Variants in SEMA3D observed in about 807,000 individuals in gnomAD.
SEMA3D encodes the protein semaphorin-3D.
Under a neutral mutation model 100.1 loss-of-function variants are expected in SEMA3D, and 84 were observed. The observed-to-expected ratio is 0.84, with a 90% confidence interval of 0.70 to 1.01. The LOEUF (loss-of-function observed/expected upper bound fraction) is 1.01, where lower values mean the gene tolerates loss of function less well. Among genes scored for constraint, SEMA3D ranks in the 50% least tolerant of loss-of-function variants. The probability of loss-of-function intolerance (pLI) is 0.00; values close to 1 mark genes in which losing one functional copy is unlikely to be tolerated. For synonymous variants in SEMA3D, 312 were observed against 320.7 expected (o/e 0.97, Z 0.29); for missense variants, 875 against 934.1 (o/e 0.94, Z 0.82).
intron 2 of SEMA3D, chr7:85,139,921 A>C (rs1226425025): frequency 6.5e-6 from 1 of 154,928 alleles, no homozygotes; most frequent in Non-Finnish European, 1.4e-5. Context: ...TCAGCACACA[A>C]CAAACACACC....
chr7:85,233,319 A>G, the SEMA3D span, among the ~76,000 whole-genome samples: 11 of 152,338 alleles, frequency 7.2e-5, no homozygotes, highest in East Asian at 2.1e-3. Context: ...AGAATGGCTC[A>G]GCCTTTGAGA....
intron 4 of SEMA3D, among the ~76,000 whole-genome samples, chr7:85,094,074 T>G (rs528913813): frequency 2.0e-5 from 3 of 151,958 alleles, no homozygotes; most frequent in African/African-American, 7.2e-5. Flanking sequence ...CAGAACTTGA[T>G]AGTAAATTAT....
Position 85,167,385 on chromosome 7 carries a change from C to A in SEMA3D, c.-172-13646G>T, listed in dbSNP as rs1171138329. The A allele has an allele frequency of 7.1e-6, 7 of 984,202 alleles. No homozygotes were observed. The African/African-American group carries it at 1.0e-4, about 15-fold the overall frequency. 61.0% of individuals were successfully genotyped at this position (984,202 alleles called of 1,614,324 possible). On this transcript the variant is annotated intron_variant, in intron 1 of 18. Coordinates refer to ENST00000284136, the MANE Select transcript of SEMA3D (RefSeq NM_001384900.1). ...GGAATGAAGGAAAGTAATGAGAAAG[C>A]TAGAAGGATCGGTGGTTGTGTTATA...
In SEMA3D at chr7:85,055,742, A is replaced by G; in HGVS notation, c.836T>C (p.Leu279Pro). Residue 279 changes from leucine to proline, a missense_variant, in exon 9 of 19, where the codon CTT (leucine) becomes CCT (proline). Transcript: ENST00000284136. ...CTTACAAACTCTTCCAACTCGAGAA[A>G]GGATGGTTTTATCGGAGGTACTGCC... is the stretch of plus-strand genomic sequence containing the variant. ...QEGSTSDKTILSRVGRVCKND... is the reference protein window; with the variant it reads ...QEGSTSDKTIPSRVGRVCKND... The G allele has an allele frequency of 2.0e-6, 3 of 1,527,906 alleles. No individual in the cohort carries two copies. Among genetic ancestry groups the G allele is most frequent in the Non-Finnish European group, 2.7e-6 (3 of 1,120,504 alleles). The allele number at this position is 1,527,906 out of a possible 1,614,324, so 94.6% of individuals were successfully genotyped here. A position where few individuals can be genotyped will look rare whatever the true frequency, so the allele number is the denominator to read the frequency against.
At chr7:85,169,618 A>G (rs1791028808) in intron 1 of SEMA3D, among the ~76,000 whole-genome samples, 1 of 151,854 alleles carries the variant, frequency 6.6e-6, no homozygotes, top group Non-Finnish European at 1.5e-5. Context: ...TTTGATTGAG[A>G]AAAGGATAAT....
At chr7:85,243,410 G>A in the SEMA3D span, among the ~76,000 whole-genome samples, 2 of 152,070 alleles carry the variant, frequency 1.3e-5, no homozygotes, top group Admixed American at 6.6e-5. Flanking sequence ...GCAACTTGTC[G>A]ATTCCGGTAC....
At chr7:85,103,806 T>C (rs1174178091) in intron 3 of SEMA3D, among the ~76,000 whole-genome samples, 1 of 152,056 alleles carries the variant, frequency 6.6e-6, no homozygotes, top group East Asian at 1.9e-4. Flanking sequence ...TTTTTATTTA[T>C]CTACTTGCTT....
chr7:85,047,566 A>G (rs1204208427), intron 9 of SEMA3D, among the ~76,000 whole-genome samples: 1 of 151,896 alleles, frequency 6.6e-6, no homozygotes, highest in African/African-American at 2.4e-5. Context: ...ATATTAGATA[A>G]CAGTGGCTTT....
At chr7:85,145,830 T>TA (rs1193427635) in intron 2 of SEMA3D, among the ~76,000 whole-genome samples, 1 of 152,196 alleles carries the variant, frequency 6.6e-6, no homozygotes, top group African/African-American at 2.4e-5. Flanking sequence ...CTATATAATG[T>TA]GATGTTGTAT....
At chr7:85,167,056 A>T (rs576163790) in intron 1 of SEMA3D, among the ~76,000 whole-genome samples, 1 of 151,986 alleles carries the variant, frequency 6.6e-6, no homozygotes, top group Admixed American at 6.6e-5. Context: ...TATTGGCCTT[A>T]GAGAAATATC....
At chr7:85,205,101 T>C in the SEMA3D span, among the ~76,000 whole-genome samples, 9 of 152,268 alleles carry the variant, frequency 5.9e-5, no homozygotes, top group South Asian at 4.1e-4. Flanking sequence ...GAGAAATGTC[T>C]ATTTAGATTA....
intron 2 of SEMA3D, among the ~76,000 whole-genome samples, chr7:85,137,975 C>A (rs1057161499): frequency 1.3e-5 from 2 of 152,118 alleles, no homozygotes; most frequent in East Asian, 1.9e-4. Context: ...TCAACTACAT[C>A]GACTTACAGT....
At chr7:85,120,616 C>T (rs1583943046) in intron 3 of SEMA3D, among the ~76,000 whole-genome samples, 3 of 144,068 alleles carry the variant, frequency 2.1e-5, no homozygotes, top group Middle Eastern at 3.8e-3. Context: ...TGCAGTGAGC[C>T]GAGATCATGC....
intron 4 of SEMA3D, among the ~76,000 whole-genome samples, chr7:85,093,929 A>T (rs1788473984): frequency 6.6e-6 from 1 of 152,020 alleles, no homozygotes; most frequent in Admixed American, 6.6e-5. Flanking sequence ...CGTGAAGAAC[A>T]CTTAAATTTC....
chr7:85,156,607 C>T (rs754527294), intron 1 of SEMA3D, among the ~76,000 whole-genome samples: 1 of 151,948 alleles, frequency 6.6e-6, no homozygotes, highest in Non-Finnish European at 1.5e-5. Context: ...AGAATTTATC[C>T]TAATTTATGA....
the SEMA3D span, among the ~76,000 whole-genome samples, chr7:85,225,816 C>T: frequency 6.6e-6 from 1 of 152,132 alleles, no homozygotes; most frequent in South Asian, 2.1e-4. Flanking sequence ...CCACACTCCC[C>T]ATTGCATCCG....
intron 4 of SEMA3D, among the ~76,000 whole-genome samples, chr7:85,087,082 A>G (rs916027393): frequency 6.6e-6 from 1 of 152,240 alleles, no homozygotes; most frequent in African/African-American, 2.4e-5. Flanking sequence ...TCTTGCACAC[A>G]GTATCCTGAC....
intron 1 of SEMA3D, among the ~76,000 whole-genome samples, chr7:85,174,447 A>G (rs1229504153): frequency 2.0e-5 from 3 of 152,202 alleles, no homozygotes; most frequent in Non-Finnish European, 4.4e-5. Flanking sequence ...TAAGATCCAT[A>G]GTCCAAGTTG....
chr7:85,035,242 C>T (rs932315113), intron 12 of SEMA3D, among the ~76,000 whole-genome samples: 15 of 150,792 alleles, frequency 9.9e-5, no homozygotes, highest in Admixed American at 3.3e-4. Flanking sequence ...TACATTTATA[C>T]ATACATCATA....
Sources: gnomAD v4.1 joint callset for allele counts (sites outside exome capture counted in the v4.1 genomes callset) on GRCh38, gnomAD v4.1.1 for gene constraint, MANE v1.5 for transcripts, NCBI Gene and HGNC (gene_info 2026-07-23, HGNC 2026-07-21) for gene names.